The following PTPRQ variants were observed in gnomAD, a reference collection of about 807,000 sequenced individuals.
PTPRQ encodes the protein protein tyrosine phosphatase receptor type Q.
PTPRQ carries 199 observed loss-of-function variants against 246.0 expected under a neutral mutation model. The observed-to-expected ratio is 0.81, with a 90% CI of 0.72 to 0.91. PTPRQ has a LOEUF of 0.91. Among genes scored for constraint, PTPRQ ranks in the 40% least tolerant of loss-of-function variants. The pLI, the probability that PTPRQ is intolerant of heterozygous loss-of-function variation, is 0.00. For synonymous variants in PTPRQ, 869 were observed against 853.2 expected, an observed-to-expected ratio of 1.02 and a Z score of -0.32; for missense variants, 2,624 against 2,528.4, an observed-to-expected ratio of 1.04 and a Z score of -0.81.
intron 26 of PTPRQ, among the ~76,000 whole-genome samples, chr12:80,599,335 T>C (rs1231260806): frequency 6.6e-6 from 1 of 151,928 alleles, no homozygotes; most frequent in African/African-American, 2.4e-5. Context: ...ATTGCTGTGA[T>C]TTATAAGAGA....
At chr12:80,509,972 T>C (rs1895076710) in intron 16 of PTPRQ, among the ~76,000 whole-genome samples, 1 of 152,132 alleles carries the variant, frequency 6.6e-6, no homozygotes, top group South Asian at 2.1e-4. Flanking sequence ...GGGATCTCTT[T>C]TACTGTATAT....
At chr12:80,597,679 T>A (rs1898013271) in intron 26 of PTPRQ, among the ~76,000 whole-genome samples, 1 of 151,974 alleles carries the variant, frequency 6.6e-6, no homozygotes, top group African/African-American at 2.4e-5. Context: ...TTTTTTCAAA[T>A]GGCATGTCGA....
At chr12:80,632,005 G>C (rs576956543) in intron 33 of PTPRQ, among the ~76,000 whole-genome samples, 187 bp from the exon 34 acceptor site, 3 of 152,214 alleles carry the variant, frequency 2.0e-5, no homozygotes, top group African/African-American at 7.2e-5. Flanking sequence ...GAAAAAGCAA[G>C]AAGACCCGGG....
chr12:80,676,371 G>A (rs562078982), intron 43 of PTPRQ, among the ~76,000 whole-genome samples: 14 of 152,276 alleles, frequency 9.2e-5, no homozygotes, highest in East Asian at 1.9e-4. Context: ...CACTGGGTGC[G>A]GTGGCTTATG....
chr12:80,672,417 A>G (rs1027798688), intron 42 of PTPRQ, among the ~76,000 whole-genome samples: 5 of 151,824 alleles, frequency 3.3e-5, no homozygotes, highest in African/African-American at 1.2e-4. Context: ...TTACTACAGA[A>G]CTACAAAAAT....
At chr12:80,619,565 C>G (rs1462933761) in intron 31 of PTPRQ, 23 bp downstream of exon 31, 9 of 1,491,414 alleles carry the variant, frequency 6.0e-6, no homozygotes, top group Non-Finnish European at 8.1e-6. Context: ...GTCAATTTAT[C>G]TTGTTAAATT....
intron 9 of PTPRQ, among the ~76,000 whole-genome samples, chr12:80,490,651 A>C (rs75250769): frequency 6.6e-6 from 1 of 151,956 alleles, no homozygotes; most frequent in Non-Finnish European, 1.5e-5. Context: ...AACATCCTAC[A>C]ATGTACAGGA....
In PTPRQ at chr12:80,506,098, C is replaced by G. The variant is rs760006052; in HGVS notation, c.2347C>G (p.Pro783Ala). The stretch of plus-strand genomic sequence containing the variant: ...AGAGATTGAGCTATCATTCCTTCCC[C>G]CAAGTAGTCCCAATGGAATCATACA... ...SGEIELSFLP[P>A]SSPNGIIQKY... The change falls in exon 15 of 45, where the codon CCA becomes GCA. Residue 783 changes from proline (P) to alanine (A), a missense_variant. Transcript: ENST00000644991. 1.9e-5 allele frequency: 29 copies of G among 1,543,748 alleles called. No homozygotes were observed. In the South Asian group the frequency reaches 3.1e-4, roughly 16 times the overall value.
At chr12:80,558,340 G>T (rs1896723202) in intron 25 of PTPRQ, among the ~76,000 whole-genome samples, 2 of 151,288 alleles carry the variant, frequency 1.3e-5, no homozygotes, top group Admixed American at 1.3e-4. Context: ...ACTAATTTTT[G>T]TGTTTTTAGT....
intron 39 of PTPRQ, among the ~76,000 whole-genome samples, chr12:80,667,117 A>G (rs1309443650): frequency 6.6e-6 from 1 of 151,956 alleles, no homozygotes; most frequent in Non-Finnish European, 1.5e-5. Context: ...TTTTCTAGCC[A>G]TTATCTGTTA....
At chr12:80,515,425 CTT>C (rs35189865) in intron 17 of PTPRQ, among the ~76,000 whole-genome samples, 15 of 144,028 alleles carry the variant, frequency 1.0e-4, no homozygotes, top group Non-Finnish European at 7.6e-5. Flanking sequence ...TGAATATTTC[CTT>C]TTTTTTTTTT....
intron 19 of PTPRQ, among the ~76,000 whole-genome samples, chr12:80,537,832 G>A (rs4402366): frequency 0.18 from 27,957 of 152,068 alleles, 3,549 homozygotes; most frequent in African/African-American, 0.36. Context: ...TAAATGGGCC[G>A]GGTGTGGTGG....
At chr12:80,537,029 G>A (rs935079882) in intron 19 of PTPRQ, among the ~76,000 whole-genome samples, 1 of 152,122 alleles carries the variant, frequency 6.6e-6, no homozygotes, top group African/African-American at 2.4e-5. Context: ...TCACACCTGG[G>A]TGTGTAATAT....
intron 33 of PTPRQ, among the ~76,000 whole-genome samples, chr12:80,629,431 A>G (rs548914241): frequency 1.3e-5 from 2 of 152,340 alleles, no homozygotes; most frequent in South Asian, 2.1e-4. Flanking sequence ...GTGGCTACCC[A>G]GAAAGATATA....
chr12:80,614,031 A>G (rs1054478463), intron 29 of PTPRQ, among the ~76,000 whole-genome samples, 195 bp downstream of exon 29: 2 of 150,806 alleles, frequency 1.3e-5, no homozygotes, highest in African/African-American at 4.8e-5. Flanking sequence ...CTATTAAATT[A>G]AAATATGTAA....
intron 17 of PTPRQ, among the ~76,000 whole-genome samples, chr12:80,529,752 C>T (rs987695231): frequency 6.6e-6 from 1 of 151,876 alleles, no homozygotes; most frequent in Non-Finnish European, 1.5e-5. Flanking sequence ...TTTGGCGTTA[C>T]CCATGAGTAA....
intron 26 of PTPRQ, among the ~76,000 whole-genome samples, chr12:80,602,215 G>A (rs1795920128): frequency 6.6e-6 from 1 of 151,726 alleles, no homozygotes; most frequent in African/African-American, 2.4e-5. Flanking sequence ...CTAGATTCCT[G>A]TATAGTTATA....
At chr12:80,565,541 T>C (rs1896953572) in intron 25 of PTPRQ, among the ~76,000 whole-genome samples, 1 of 152,214 alleles carries the variant, frequency 6.6e-6, no homozygotes, top group African/African-American at 2.4e-5. Context: ...AAATTAAGCA[T>C]GTGTGTGCAT....
intron 17 of PTPRQ, among the ~76,000 whole-genome samples, chr12:80,514,584 TATATA>T (rs1895229726): frequency 1.4e-5 from 2 of 138,474 alleles, no homozygotes; most frequent in East Asian, 4.0e-4. Flanking sequence ...ATATATATAT[TATATA>T]ATATATATAA....
Sources: allele counts gnomAD v4.1 joint callset (sites outside exome capture counted in the v4.1 genomes callset), GRCh38; gene constraint gnomAD v4.1.1; transcripts MANE v1.5; gene names NCBI Gene and HGNC (gene_info 2026-07-23, HGNC 2026-07-21).